LY86: variants seen among roughly 807,000 people sequenced by gnomAD.
The protein encoded by LY86 is lymphocyte antigen 86.
A neutral mutation model predicts 17.3 loss-of-function variants in LY86; 20 were observed. The observed-to-expected ratio is 1.15, with a 90% CI of 0.81 to 1.68. The LOEUF is 1.68. Ranked by LOEUF, LY86 falls within the 40% of genes most tolerant of loss-of-function variation. The pLI, the probability that LY86 is intolerant of heterozygous loss-of-function variation, is 0.00. For missense variants in LY86, 200 were observed against 191.9 expected, an observed-to-expected ratio of 1.04 and a Z score of -0.25; for synonymous variants, 74 against 70.6, an observed-to-expected ratio of 1.05 and a Z score of -0.24.
chr6:6,620,444 A>G (rs112969904), intron 1 of LY86, among the ~76,000 whole-genome samples: 20 of 152,252 alleles, frequency 1.3e-4, no homozygotes, highest in African/African-American at 4.8e-4. Flanking sequence ...AGCAACGCAG[A>G]GGCCACAGGG....
intron 3 of LY86, among the ~76,000 whole-genome samples, chr6:6,635,453 TTC>T (rs145066714): frequency 6.6e-6 from 1 of 151,570 alleles, no homozygotes. Context: ...CTCTCTCCCT[TTC>T]TCTCTCTCTC....
At chr6:6,624,035 T>C (rs1029792930) in intron 1 of LY86, among the ~76,000 whole-genome samples, 1 of 152,058 alleles carries the variant, frequency 6.6e-6, no homozygotes, top group African/African-American at 2.4e-5. Flanking sequence ...ACAAAGAAGA[T>C]GGGAATGAGC....
At chr6:6,642,848 A>G (rs1762059025) in intron 3 of LY86, among the ~76,000 whole-genome samples, 1 of 152,234 alleles carries the variant, frequency 6.6e-6, no homozygotes, top group South Asian at 2.1e-4. Flanking sequence ...ACTAGAACGA[A>G]GCCATGCACT....
At chr6:6,595,003 G>A (rs1249778026) in intron 1 of LY86, among the ~76,000 whole-genome samples, 1 of 152,090 alleles carries the variant, frequency 6.6e-6, no homozygotes, top group Non-Finnish European at 1.5e-5. Flanking sequence ...GAAATACAGG[G>A]TGAGACCAGG....
At chr6:6,622,413 A>T (rs1280084756) in intron 1 of LY86, among the ~76,000 whole-genome samples, 1 of 152,156 alleles carries the variant, frequency 6.6e-6, no homozygotes, top group Non-Finnish European at 1.5e-5. Context: ...GCATCTGTTC[A>T]TTGGCTTCTG....
intron 3 of LY86, among the ~76,000 whole-genome samples, chr6:6,634,097 G>A (rs1446225286): frequency 6.6e-6 from 1 of 152,158 alleles, no homozygotes; most frequent in African/African-American, 2.4e-5. Flanking sequence ...AAGAACTGCT[G>A]ATTCATGGCG....
Position 6,624,916 on chromosome 6 carries a change from T to C in LY86, c.137-10T>C. 2.1e-6 allele frequency: 3 copies of C among 1,427,552 alleles called. No homozygotes were observed. The highest frequency in any genetic ancestry group is 2.9e-6 in the Non-Finnish European group (3 of 1,023,860). The allele number at this position is 1,427,552 out of a possible 1,614,324, so 88.4% of individuals were successfully genotyped here. A position where few individuals can be genotyped will look rare whatever the true frequency, so the allele number is the denominator to read the frequency against. Reference sequence around the variant, plus strand: ...TACTCGCAACTAATCTATTGTTTTCTTCTTCGTAGATCCATTACAAGATTT... The same window carrying C: ...TACTCGCAACTAATCTATTGTTTTCCTCTTCGTAGATCCATTACAAGATTT... On this transcript the variant is annotated splice_polypyrimidine_tract_variant and intron_variant, in intron 1 of 4. Transcript: ENST00000230568.
At chr6:6,614,323 C>T (rs1396062753) in intron 1 of LY86, among the ~76,000 whole-genome samples, 1 of 151,982 alleles carries the variant, frequency 6.6e-6, no homozygotes, top group South Asian at 2.1e-4. Context: ...TGTTGCTTGT[C>T]TCTTAAGTAG....
At chr6:6,604,538 C>G (rs1223268936) in intron 1 of LY86, among the ~76,000 whole-genome samples, 1 of 152,032 alleles carries the variant, frequency 6.6e-6, no homozygotes, top group Non-Finnish European at 1.5e-5. Flanking sequence ...GACTCAAAAT[C>G]TACCACAGAG....
intron 1 of LY86, among the ~76,000 whole-genome samples, chr6:6,624,162 C>G (rs2113138823): frequency 6.6e-6 from 1 of 152,194 alleles, no homozygotes; most frequent in East Asian, 1.9e-4. Flanking sequence ...CCACTCTGGC[C>G]TCAAGGAATG....
intron 1 of LY86, among the ~76,000 whole-genome samples, chr6:6,622,062 G>A (rs1761693132): frequency 6.6e-6 from 1 of 152,134 alleles, no homozygotes; most frequent in Non-Finnish European, 1.5e-5. Context: ...TGAAATAACT[G>A]CTAGGAAAGC....
chr6:6,614,143 C>T (rs1371348682), intron 1 of LY86, among the ~76,000 whole-genome samples: 5 of 152,080 alleles, frequency 3.3e-5, no homozygotes, highest in Non-Finnish European at 5.9e-5. Context: ...TTTCCATCTC[C>T]AAAAGTCACG....
At chr6:6,653,695 G>A (rs1581255308) in intron 4 of LY86, among the ~76,000 whole-genome samples, 2 of 152,174 alleles carry the variant, frequency 1.3e-5, no homozygotes, top group Admixed American at 1.3e-4. Flanking sequence ...TGTGCTCCCC[G>A]GGGTCTTCTC....
At chr6:6,610,778 T>C (rs1193087683) in intron 1 of LY86, among the ~76,000 whole-genome samples, 1 of 152,166 alleles carries the variant, frequency 6.6e-6, no homozygotes, top group Admixed American at 6.5e-5. Context: ...GCACAAATGG[T>C]GTAGAAATTC....
chr6:6,640,147 G>A (rs957181013), intron 3 of LY86, among the ~76,000 whole-genome samples: 14 of 152,182 alleles, frequency 9.2e-5, no homozygotes, highest in African/African-American at 3.1e-4. Context: ...ATTTGGCTAG[G>A]AGTCAATGAC....
chr6:6,640,295 C>T (rs1406783185), intron 3 of LY86, among the ~76,000 whole-genome samples: 1 of 151,628 alleles, frequency 6.6e-6, no homozygotes, highest in East Asian at 1.9e-4. Flanking sequence ...CAGTGTCTCA[C>T]ACCTGTAATC....
intron 1 of LY86, among the ~76,000 whole-genome samples, chr6:6,603,619 C>CAAAAAACAAAAAAAAAAAAAAAAAAAAA (rs1561778071): frequency 8.5e-6 from 1 of 117,674 alleles, no homozygotes; most frequent in African/African-American, 3.1e-5. Context: ...AAAAAACAAA[C>CAAAAAACAAAAAAAAAAAAAAAAAAAAA]AAAAAAAAAC....
intron 1 of LY86, among the ~76,000 whole-genome samples, chr6:6,615,816 CAGG>C (rs965409871): frequency 1.3e-5 from 2 of 151,504 alleles, no homozygotes; most frequent in Non-Finnish European, 2.9e-5. Flanking sequence ...CGCTTGAATC[CAGG>C]AGTTTGATAC....
At chr6:6,609,185 T>G (rs1761271268) in intron 1 of LY86, among the ~76,000 whole-genome samples, 2 of 152,148 alleles carry the variant, frequency 1.3e-5, no homozygotes, top group African/African-American at 4.8e-5. Context: ...GAAGAGAAAG[T>G]ACAAGCAAGT....
Sources: gnomAD v4.1 joint callset for allele counts (sites outside exome capture counted in the v4.1 genomes callset) on GRCh38, gnomAD v4.1.1 for gene constraint, MANE v1.5 for transcripts, NCBI Gene and HGNC (gene_info 2026-07-23, HGNC 2026-07-21) for gene names.